The following RIN3 variants were observed in gnomAD, a reference collection of about 807,000 sequenced individuals.
RIN3 encodes RAB5 interacting protein 3.
In RIN3, 54 loss-of-function variants were observed where a neutral mutation model predicts 76.3. The observed-to-expected ratio is 0.71, with a 90% CI of 0.57 to 0.89. The LOEUF (loss-of-function observed/expected upper bound fraction) is 0.89. Ranked by LOEUF, RIN3 falls within the 40% of genes least tolerant of loss-of-function variation. The pLI is 0.00. For synonymous variants in RIN3, 576 were observed against 564.0 expected, an observed-to-expected ratio of 1.02 and a Z score of -0.30; for missense variants, 1,256 against 1,322.1, an observed-to-expected ratio of 0.95 and a Z score of 0.78.
chr14:92,598,989 G>A (rs914116809), intron 3 of RIN3, among the ~76,000 whole-genome samples: 3 of 152,144 alleles, frequency 2.0e-5, no homozygotes, highest in African/African-American at 4.8e-5. Context: ...AAGAGCACAC[G>A]AGGTGGCAAG....
intron 1 of RIN3, among the ~76,000 whole-genome samples, chr14:92,549,729 C>T (rs957944274): frequency 9.2e-5 from 14 of 152,210 alleles, no homozygotes; most frequent in African/African-American, 3.4e-4. Flanking sequence ...TGTCTGCTGG[C>T]ACTGCGTCTG....
intron 6 of RIN3, among the ~76,000 whole-genome samples, chr14:92,655,199 T>A (rs573382062): frequency 6.8e-6 from 1 of 146,774 alleles, no homozygotes; most frequent in Admixed American, 6.8e-5. Context: ...AATAGAAAAA[T>A]TAACTGGGCA....
At chr14:92,536,276 C>T (rs138730547) in intron 1 of RIN3, among the ~76,000 whole-genome samples, 103 of 152,218 alleles carry the variant, frequency 6.8e-4, no homozygotes, top group African/African-American at 2.3e-3. Context: ...TGCTGTAGAC[C>T]GTTTGTGTAG....
rs1896391328 is a variant in RIN3, at chr14:92,514,696, C to T, written c.44+720C>T. Among the ~76,000 whole-genome samples, 3 of 152,212 alleles carry T rather than the reference C, an allele frequency of 2.0e-5. No individual in the cohort carries two copies. Among genetic ancestry groups the T allele is most frequent in the Admixed American group, 1.3e-4 (2 of 15,288 alleles). ...GAGGAGTCCCCGGTGGCTAAGTCCC[C>T]GCTCCGCCTCCTTGTCGCCCCCAGC... On this transcript the variant is annotated intron_variant, in intron 1 of 9. Coordinates refer to ENST00000216487, the MANE Select transcript of RIN3 (RefSeq NM_024832.5). This position sits in a 1 kb window ranked among gnomAD's most constrained non-coding sequence, Gnocchi z 7.2.
intron 1 of RIN3, among the ~76,000 whole-genome samples, chr14:92,546,574 C>T (rs1011304259): frequency 1.3e-4 from 20 of 152,240 alleles, no homozygotes; most frequent in African/African-American, 4.8e-4. Context: ...GCTGCAGCAG[C>T]AGTGGCCATC....
chr14:92,599,875 G>T (rs1335728261), intron 3 of RIN3, among the ~76,000 whole-genome samples: 2 of 152,186 alleles, frequency 1.3e-5, no homozygotes, highest in Admixed American at 6.5e-5. Flanking sequence ...TGAGTTAGAT[G>T]ACCAGCTAGA....
intron 2 of RIN3, among the ~76,000 whole-genome samples, chr14:92,575,789 G>A (rs1040032913): frequency 1.3e-5 from 2 of 152,082 alleles, no homozygotes; most frequent in Admixed American, 6.5e-5. Flanking sequence ...TTGTCAGCAG[G>A]GTCTTTGTAA....
chr14:92,591,535 A>T (rs1202067831), intron 3 of RIN3, among the ~76,000 whole-genome samples: 1 of 152,224 alleles, frequency 6.6e-6, no homozygotes, highest in Non-Finnish European at 1.5e-5. Flanking sequence ...ACCTAGGCAT[A>T]CCATTTTCAA....
intron 2 of RIN3, among the ~76,000 whole-genome samples, chr14:92,573,500 G>A (rs1410052759): frequency 0.02 from 4 of 198 alleles, no homozygotes; most frequent in Non-Finnish European, 0.028. Flanking sequence ...ACGGGGGGCC[G>A]AAGTTCCAAC....
chr14:92,525,707 C>T (rs1021770615), intron 1 of RIN3, among the ~76,000 whole-genome samples: 5 of 152,142 alleles, frequency 3.3e-5, no homozygotes, highest in African/African-American at 1.2e-4. Flanking sequence ...CCAAAGCCCC[C>T]AATTCCCCTC....
intron 4 of RIN3, among the ~76,000 whole-genome samples, chr14:92,617,311 C>A (rs1485933945): frequency 4.0e-5 from 6 of 150,956 alleles, no homozygotes; most frequent in Admixed American, 1.3e-4. Context: ...AAAAAAAAAA[C>A]CAAAATAAAT....
chr14:92,563,342 CAA>C (rs781405496), intron 2 of RIN3, among the ~76,000 whole-genome samples: 12 of 152,136 alleles, frequency 7.9e-5, no homozygotes, highest in Non-Finnish European at 1.8e-4. Flanking sequence ...GCCTGGGCAA[CAA>C]GAGCAAAACT....
chr14:92,679,473 C>A (rs1344860378), intron 8 of RIN3, among the ~76,000 whole-genome samples: 2 of 152,250 alleles, frequency 1.3e-5, no homozygotes, highest in Non-Finnish European at 2.9e-5. Flanking sequence ...GCCAGCCTTG[C>A]AGGTGTTTGC....
At chr14:92,530,280 C>T (rs1160367752) in intron 1 of RIN3, among the ~76,000 whole-genome samples, 1 of 152,142 alleles carries the variant, frequency 6.6e-6, no homozygotes, top group Non-Finnish European at 1.5e-5. Flanking sequence ...GGCCTTGGTC[C>T]CCTCTCACCT....
rs1156655445 is a variant in RIN3, at chr14:92,623,593, T to C, written c.440+8114T>C. On this transcript the variant is annotated intron_variant, in intron 4 of 9. Transcript: ENST00000216487. This position sits in a 1 kb window ranked among gnomAD's most constrained non-coding sequence, Gnocchi z 4.9. Reference sequence around the variant, plus strand: ...CGAAAGATCCTTGAGGGGCCTCTCTTGTTTTACGGCGTTGTGGTTTCTTTT... The same window carrying C: ...CGAAAGATCCTTGAGGGGCCTCTCTCGTTTTACGGCGTTGTGGTTTCTTTT... Among the ~76,000 whole-genome samples the C allele has an allele frequency of 6.6e-6, 1 of 152,228 alleles. No individual in the cohort carries two copies. The highest frequency in any genetic ancestry group is 1.5e-5 in the Non-Finnish European group (1 of 68,044).
Position 92,567,624 on chromosome 14 carries a change from A to ATTT in RIN3, c.250-9720_250-9718dup, listed in dbSNP as rs34729914. Reference sequence around the variant, plus strand: ...AACTCCACAGTGTCTCTTCTGCTGCATTTTTTTTTTTTTTTTTTGGTCAAT... The same window carrying ATTT: ...AACTCCACAGTGTCTCTTCTGCTGCATTTTTTTTTTTTTTTTTTTTTGGTCAAT... On this transcript the variant is annotated intron_variant, in intron 2 of 9. Transcript: ENST00000216487. Among the ~76,000 whole-genome samples the ATTT allele has an allele frequency of 2.1e-3, 284 of 133,592 alleles. 1 individual carries two copies. The highest frequency in any genetic ancestry group is 5.6e-3 in the African/African-American group (200 of 35,568). The allele number at this position is 133,592 out of a possible 152,430, so 87.6% of individuals were successfully genotyped here.
intron 3 of RIN3, among the ~76,000 whole-genome samples, chr14:92,585,855 G>A (rs1010484904): frequency 6.6e-6 from 1 of 152,168 alleles, no homozygotes; most frequent in Non-Finnish European, 1.5e-5. Context: ...AGTAAGGAGT[G>A]ATTATTATTA....
intron 6 of RIN3, among the ~76,000 whole-genome samples, chr14:92,657,461 A>AG (rs1887713964): frequency 6.6e-6 from 1 of 152,184 alleles, no homozygotes; most frequent in South Asian, 2.1e-4. Context: ...TGGATACAAA[A>AG]CAGTCCTGAC....
intron 3 of RIN3, among the ~76,000 whole-genome samples, chr14:92,609,682 C>G (rs1001907914): frequency 6.6e-6 from 1 of 152,104 alleles, no homozygotes; most frequent in African/African-American, 2.4e-5. Flanking sequence ...TTCAGCTGTA[C>G]TAGTAGGGTT....
Sources: allele counts gnomAD v4.1 joint callset (sites outside exome capture counted in the v4.1 genomes callset), GRCh38; gene constraint gnomAD v4.1.1; non-coding constraint Gnocchi (gnomAD v3.1); transcripts MANE v1.5; gene names NCBI Gene and HGNC (gene_info 2026-07-23, HGNC 2026-07-21).